The following ATP8A2 variants were observed in gnomAD, a reference collection of about 807,000 sequenced individuals.
ATP8A2 encodes the protein phospholipid-transporting ATPase IB.
A neutral mutation model predicts 165.6 loss-of-function variants in ATP8A2; 100 were observed. The observed-to-expected ratio is 0.60, with a 90% CI of 0.51 to 0.71. The LOEUF (loss-of-function observed/expected upper bound fraction) is 0.71, where lower values mean the gene tolerates loss of function less well. Among genes scored for constraint, ATP8A2 ranks in the 30% least tolerant of loss-of-function variants. ATP8A2 has a pLI of 0.00. For missense variants in ATP8A2, 1,227 were observed against 1,479.5 expected (o/e 0.83, Z 2.80); for synonymous variants, 543 against 548.8 (o/e 0.99, Z 0.15).
chr13:25,554,780 G>A (rs2038930984), intron 12 of ATP8A2, among the ~76,000 whole-genome samples: 1 of 151,994 alleles, frequency 6.6e-6, no homozygotes, highest in Non-Finnish European at 1.5e-5. Context: ...GGCTGGTCTC[G>A]AACTCCTGAC....
intron 24 of ATP8A2, among the ~76,000 whole-genome samples, chr13:25,603,494 A>T (rs1219669266): frequency 1.3e-5 from 2 of 151,900 alleles, no homozygotes; most frequent in Non-Finnish European, 2.9e-5. Context: ...AAAAAATTTT[A>T]AAAAGAGTAT....
chr13:25,927,924 C>T (rs1371905606), intron 33 of ATP8A2, among the ~76,000 whole-genome samples: 1 of 152,220 alleles, frequency 6.6e-6, no homozygotes, highest in Non-Finnish European at 1.5e-5. Context: ...CCGAAGATGG[C>T]TTTGAAAGCA....
chr13:25,841,186 T>C (rs1951740977), intron 30 of ATP8A2, among the ~76,000 whole-genome samples: 1 of 152,204 alleles, frequency 6.6e-6, no homozygotes, highest in Admixed American at 6.5e-5. Context: ...GTAAGTCCAT[T>C]CATTCACCTA....
At chr13:25,978,529 C>T (rs1336609264) in intron 35 of ATP8A2, among the ~76,000 whole-genome samples, 1 of 152,176 alleles carries the variant, frequency 6.6e-6, no homozygotes, top group East Asian at 1.9e-4. Flanking sequence ...CTTACAAAGG[C>T]GTAGAGAAGA....
chr13:25,404,405 A>G (rs1179074039), intron 1 of ATP8A2, among the ~76,000 whole-genome samples: 1 of 152,184 alleles, frequency 6.6e-6, no homozygotes, highest in Non-Finnish European at 1.5e-5. Context: ...AGGGTGGTGA[A>G]GATCCTTTGG....
intron 1 of ATP8A2, among the ~76,000 whole-genome samples, chr13:25,433,734 C>T (rs1034351824): frequency 6.6e-6 from 1 of 152,174 alleles, no homozygotes; most frequent in African/African-American, 2.4e-5. Context: ...AACCTAAGTG[C>T]CCATCAACGG....
chr13:25,468,998 G>T lies in ATP8A2; in HGVS notation c.98G>T (p.Gly33Val), dbSNP rs1277213086. Reference protein sequence around the residue: ...SSVGPVRSSLGYKKAEDEMSR... With the variant: ...SSVGPVRSSLVYKKAEDEMSR... ...GCAGGACCTGTTCGTTCTTCTTTGG[G>T]CTATAAGAAGGCAGAGGATGAGATG... is the stretch of plus-strand genomic sequence containing the variant. Residue 33 changes from glycine to valine, a missense_variant, in exon 2 of 37, where the codon GGC (glycine) becomes GTC (valine). Transcript: ENST00000381655. 2 of 1,614,030 alleles carry T rather than the reference G, an allele frequency of 1.2e-6. No homozygotes were observed. Among genetic ancestry groups the T allele is most frequent in the Non-Finnish European group, 1.7e-6 (2 of 1,179,888 alleles).
chr13:25,907,021 G>C (rs113200414), intron 33 of ATP8A2, among the ~76,000 whole-genome samples: 1,937 of 152,328 alleles, frequency 0.013, 45 homozygotes, highest in African/African-American at 0.045. Context: ...CTTGAGGTCA[G>C]GAGTTTGAGA....
In ATP8A2 at chr13:25,530,017, G is replaced by C. The variant is rs1156771824; in HGVS notation, c.240G>C (p.Val80=). ...CTTACAGTACGGCCAAGTACAGCGT[G>C]TTGACATTTCTACCTCGATTCTTGT... ...DNQISTAKYS[V]LTFLPRFLYE... The change falls in exon 3 of 37, where the codon GTG becomes GTC. Residue 80 remains valine, a synonymous_variant. Coordinates refer to ENST00000381655, the MANE Select transcript of ATP8A2 (RefSeq NM_016529.6). 1 of 1,611,306 alleles carries C rather than the reference G, an allele frequency of 6.2e-7. No individual in the cohort carries two copies.
intron 35 of ATP8A2, among the ~76,000 whole-genome samples, chr13:25,988,281 C>T (rs368654927): frequency 2.4e-4 from 37 of 152,336 alleles, no homozygotes; most frequent in African/African-American, 8.9e-4. Context: ...AGTGCGAAGA[C>T]GCTGGGCACC....
At chr13:25,467,122 T>C (rs2035689842) in intron 1 of ATP8A2, among the ~76,000 whole-genome samples, 1 of 152,098 alleles carries the variant, frequency 6.6e-6, no homozygotes, top group South Asian at 2.1e-4. Context: ...CAGTGTCCCA[T>C]GGGGAGCCAG....
At chr13:25,597,164 C>G (rs557298931) in intron 24 of ATP8A2, among the ~76,000 whole-genome samples, 5 of 151,818 alleles carry the variant, frequency 3.3e-5, no homozygotes, top group African/African-American at 7.2e-5. Context: ...GGATATAAAC[C>G]CTGTTTCATA....
At chr13:25,988,980 A>T in intron 35 of ATP8A2, among the ~76,000 whole-genome samples, 1 of 152,206 alleles carries the variant, frequency 6.6e-6, no homozygotes, top group Non-Finnish European at 1.5e-5. Flanking sequence ...CCTCTTTGTG[A>T]GTCTTGCACG....
At chr13:25,761,167 A>G (rs1463836208) in intron 25 of ATP8A2, among the ~76,000 whole-genome samples, 1 of 152,198 alleles carries the variant, frequency 6.6e-6, no homozygotes, top group Non-Finnish European at 1.5e-5. Flanking sequence ...TTATCAAAAC[A>G]TACATGTTTC....
chr13:25,452,435 GT>G (rs527452044), intron 1 of ATP8A2, among the ~76,000 whole-genome samples: 3 of 151,832 alleles, frequency 2.0e-5, no homozygotes, highest in Non-Finnish European at 2.9e-5. Context: ...CATTATGACT[GT>G]TTTTTTTATT....
At chr13:25,489,613 TGGGAAGTGGAAAACCTTTGCTGAA>T (rs1176655756) in intron 2 of ATP8A2, among the ~76,000 whole-genome samples, 3 of 152,168 alleles carry the variant, frequency 2.0e-5, no homozygotes, top group Non-Finnish European at 4.4e-5. Context: ...TTCCTGCCAA[TGGGAAGTGGAAAACCTTTGCTGAA>T]GGACTGCGCT....
At chr13:25,643,650 A>C (rs35536531) in intron 24 of ATP8A2, among the ~76,000 whole-genome samples, 58,487 of 151,542 alleles carry the variant, frequency 0.39, 11,942 homozygotes, top group Middle Eastern at 0.49. Context: ...ATGTTGTTTT[A>C]ATTACTATCA....
intron 24 of ATP8A2, among the ~76,000 whole-genome samples, chr13:25,648,479 C>T (rs576357612): frequency 1.7e-4 from 26 of 152,210 alleles, no homozygotes; most frequent in South Asian, 1.2e-3. Flanking sequence ...TCCTGGCCAA[C>T]GTAGTGAAAC....
chr13:25,658,683 A>G (rs887281152), intron 24 of ATP8A2, among the ~76,000 whole-genome samples: 1 of 152,190 alleles, frequency 6.6e-6, no homozygotes, highest in African/African-American at 2.4e-5. Flanking sequence ...TGCTTTTCCT[A>G]TCTTCCAGAT....
Sources: gnomAD v4.1 joint callset for allele counts (sites outside exome capture counted in the v4.1 genomes callset) on GRCh38, gnomAD v4.1.1 for gene constraint, MANE v1.5 for transcripts, NCBI Gene and HGNC (gene_info 2026-07-23, HGNC 2026-07-21) for gene names.